The following CLSTN2 variants were observed in gnomAD, a reference collection of about 807,000 sequenced individuals.
The protein encoded by CLSTN2 is calsyntenin-2.
In CLSTN2, 48 loss-of-function variants were observed where a neutral mutation model predicts 101.2. The ratio of observed to expected loss-of-function variants is 0.47; its 90% CI spans 0.38 to 0.60. The LOEUF (loss-of-function observed/expected upper bound fraction) is 0.60. Ranked by LOEUF, CLSTN2 falls within the 20% of genes least tolerant of loss-of-function variation. CLSTN2 has a pLI of 0.00. For missense variants in CLSTN2, 1,160 were observed against 1,238.2 expected (o/e 0.94, Z 0.95); for synonymous variants, 481 against 463.6 (o/e 1.04, Z -0.48).
chr3:140,395,385 C>G (rs1221643959), intron 2 of CLSTN2, among the ~76,000 whole-genome samples: 1 of 152,070 alleles, frequency 6.6e-6, no homozygotes, highest in Non-Finnish European at 1.5e-5. Flanking sequence ...CACATCTCTT[C>G]CACGTTTAGT....
chr3:140,329,115 G>A (rs2087358134), intron 2 of CLSTN2, among the ~76,000 whole-genome samples: 1 of 152,196 alleles, frequency 6.6e-6, no homozygotes, highest in East Asian at 1.9e-4. Context: ...GGCCGGGCAT[G>A]GTGGCTTATG....
intron 2 of CLSTN2, among the ~76,000 whole-genome samples, chr3:140,311,576 G>C (rs2087169143): frequency 6.6e-6 from 1 of 151,332 alleles, no homozygotes; most frequent in African/African-American, 2.4e-5. Flanking sequence ...AAAGTGCTGT[G>C]ATGACAGGCG....
chr3:140,183,484 T>C (rs1033718437), intron 2 of CLSTN2, among the ~76,000 whole-genome samples: 1 of 152,212 alleles, frequency 6.6e-6, no homozygotes, highest in African/African-American at 2.4e-5. Context: ...TCAAGTTTTC[T>C]GGGACTCTGA....
chr3:140,220,309 G>T (rs531154393), intron 2 of CLSTN2, among the ~76,000 whole-genome samples: 7 of 152,298 alleles, frequency 4.6e-5, no homozygotes, highest in Admixed American at 3.3e-4. Flanking sequence ...TGTCAGTATT[G>T]TGATGTATTT....
chr3:140,376,426 T>G (rs571326822), intron 2 of CLSTN2, among the ~76,000 whole-genome samples: 1 of 152,376 alleles, frequency 6.6e-6, no homozygotes, highest in South Asian at 2.1e-4. Flanking sequence ...TCTTTCCAGA[T>G]AATCTTGTGG....
intron 1 of CLSTN2, among the ~76,000 whole-genome samples, chr3:140,079,034 G>A (rs1424626638): frequency 4.6e-5 from 7 of 152,294 alleles, no homozygotes; most frequent in Non-Finnish European, 5.9e-5. Context: ...TCCTAGTTCT[G>A]TCTGTTAGCT....
chr3:140,403,517 G>C, intron 2 of CLSTN2, 112 bp from the exon 3 acceptor site: 2 of 888,528 alleles, frequency 2.3e-6, no homozygotes, highest in Non-Finnish European at 3.6e-6. Context: ...CACTATGTGC[G>C]TGGAAGAAAT....
chr3:140,225,082 G>T (rs2086306882), intron 2 of CLSTN2, among the ~76,000 whole-genome samples: 1 of 152,216 alleles, frequency 6.6e-6, no homozygotes, highest in South Asian at 2.1e-4. Flanking sequence ...TCACAATGGA[G>T]CATCAGTTCC....
At chr3:140,412,141 G>T (rs946557356) in intron 4 of CLSTN2, among the ~76,000 whole-genome samples, 1 of 152,056 alleles carries the variant, frequency 6.6e-6, no homozygotes, top group Non-Finnish European at 1.5e-5. Context: ...TCAGCCTCCC[G>T]AGTAGCTGGG....
intron 2 of CLSTN2, among the ~76,000 whole-genome samples, chr3:140,178,110 C>T (rs2010351468): frequency 6.6e-6 from 1 of 152,122 alleles, no homozygotes; most frequent in South Asian, 2.1e-4. Flanking sequence ...AAAAGATGAG[C>T]AATGTGTCTG....
At chr3:140,488,538 G>T (rs1460519561) in intron 8 of CLSTN2, among the ~76,000 whole-genome samples, 1 of 151,632 alleles carries the variant, frequency 6.6e-6, no homozygotes, top group African/African-American at 2.4e-5. Context: ...GGCCATCACG[G>T]TCTCACACTC....
intron 2 of CLSTN2, among the ~76,000 whole-genome samples, chr3:140,204,062 G>T (rs1159655166): frequency 6.6e-6 from 1 of 152,216 alleles, no homozygotes; most frequent in South Asian, 2.1e-4. Context: ...TTGGGATACA[G>T]TGTGGCATGT....
At chr3:140,142,704 G>A (rs749846974) in intron 1 of CLSTN2, among the ~76,000 whole-genome samples, 31 of 152,114 alleles carry the variant, frequency 2.0e-4, no homozygotes, top group Non-Finnish European at 3.7e-4. Flanking sequence ...GGTGCTGTTG[G>A]GTCCTTTCGT....
At chr3:140,492,792 C>T (rs992450832) in intron 8 of CLSTN2, among the ~76,000 whole-genome samples, 7 of 152,112 alleles carry the variant, frequency 4.6e-5, no homozygotes, top group Admixed American at 6.6e-5. Context: ...ATAGTAGGGG[C>T]TCTGTAAGTA....
chr3:140,397,491 G>A (rs901040944), intron 2 of CLSTN2, among the ~76,000 whole-genome samples: 5 of 152,142 alleles, frequency 3.3e-5, no homozygotes, highest in Non-Finnish European at 7.4e-5. Context: ...ACCTTAGAGT[G>A]GTGTCTTATA....
At chr3:140,478,057 A>G (rs1043863388) in intron 8 of CLSTN2, among the ~76,000 whole-genome samples, 22 of 152,230 alleles carry the variant, frequency 1.4e-4, no homozygotes, top group African/African-American at 5.1e-4. Flanking sequence ...AAAAGGTAAG[A>G]AAAGACTGTT....
intron 8 of CLSTN2, among the ~76,000 whole-genome samples, chr3:140,492,394 G>A (rs1175839735): frequency 6.6e-6 from 1 of 152,196 alleles, no homozygotes; most frequent in Non-Finnish European, 1.5e-5. Flanking sequence ...AATGCTAATT[G>A]AAAGAACTAA....
chr3:140,540,922 A>AAGAC lies in CLSTN2; in HGVS notation c.1508-5590_1508-5587dup, dbSNP rs529672873. ...CCTGATGCAAACTCCGACTCAGAATAAGACAGTCTGCATTAAATTGTGTTT... is the reference window on the plus strand; with the variant it reads ...CCTGATGCAAACTCCGACTCAGAATAAGACAGACAGTCTGCATTAAATTGTGTTT... On this transcript the variant is annotated intron_variant, in intron 9 of 16. Transcript: ENST00000458420. Among the ~76,000 whole-genome samples, 859 of 152,374 alleles carry AAGAC rather than the reference A, an allele frequency of 5.6e-3. 5 individuals are homozygous for AAGAC. The highest frequency in any genetic ancestry group is 9.5e-3 in the Non-Finnish European group (647 of 68,040).
At chr3:140,162,742 G>T (rs780170611) in intron 1 of CLSTN2, among the ~76,000 whole-genome samples, 12 of 152,134 alleles carry the variant, frequency 7.9e-5, no homozygotes, top group Non-Finnish European at 1.8e-4. Flanking sequence ...AGCAAAATTG[G>T]CCTGCCAGTG....
Sources: allele counts gnomAD v4.1 joint callset (sites outside exome capture counted in the v4.1 genomes callset), GRCh38; gene constraint gnomAD v4.1.1; transcripts MANE v1.5; gene names NCBI Gene and HGNC (gene_info 2026-07-23, HGNC 2026-07-21).